PSMB7: variants seen among roughly 807,000 people sequenced by gnomAD.
The protein encoded by PSMB7 is proteasome subunit beta type-7.
Under a neutral mutation model 28.1 loss-of-function variants are expected in PSMB7, and 5 were observed. That is an observed-to-expected ratio of 0.18 (90% CI 0.09 to 0.37). PSMB7 has a LOEUF of 0.37. Among genes scored for constraint, PSMB7 ranks in the 10% least tolerant of loss-of-function variants. The pLI is 1.00. For synonymous variants in PSMB7, 122 were observed against 123.7 expected (o/e 0.99, Z 0.09); for missense variants, 275 against 346.2 (o/e 0.79, Z 1.63).
chr9:124,369,439 A>T lies in PSMB7; in HGVS notation c.571-12524T>A, dbSNP rs1830539832. Among the ~76,000 whole-genome samples the T allele has an allele frequency of 2.0e-5, 3 of 152,154 alleles. No homozygotes were observed. The South Asian group carries it at 6.2e-4, about 32-fold the overall frequency. ...TACACTGCAACATAAATCTCAAAGG[A>T]CATCTGAAAAGTCTACACAGCTCCT... On this transcript the variant is annotated intron_variant, in intron 6 of 7. Transcript: ENST00000259457.
chr9:124,390,550 G>A (rs1349649306), intron 5 of PSMB7, among the ~76,000 whole-genome samples: 1 of 152,102 alleles, frequency 6.6e-6, no homozygotes, highest in Non-Finnish European at 1.5e-5. Flanking sequence ...AATGGGAAGA[G>A]ATCCATGCTA....
At chr9:124,381,605 G>C (rs994421204) in intron 6 of PSMB7, among the ~76,000 whole-genome samples, 1 of 152,162 alleles carries the variant, frequency 6.6e-6, no homozygotes, top group Non-Finnish European at 1.5e-5. Context: ...TTTTGACACA[G>C]AAAGAAAGTC....
At chr9:124,403,337 C>G (rs530119480) in intron 5 of PSMB7, among the ~76,000 whole-genome samples, 1 of 151,772 alleles carries the variant, frequency 6.6e-6, no homozygotes, top group Non-Finnish European at 1.5e-5. Context: ...CCAACCTGGG[C>G]AACATGGCAA....
chr9:124,360,375 T>G (rs932809555), intron 6 of PSMB7, among the ~76,000 whole-genome samples: 1 of 152,232 alleles, frequency 6.6e-6, no homozygotes, highest in Non-Finnish European at 1.5e-5. Context: ...CAGAGTGACC[T>G]AGGGCCTGGG....
chr9:124,415,292 A>C, intron 1 of PSMB7, 72 bp downstream of exon 1: 1 of 1,474,784 alleles, frequency 6.8e-7, no homozygotes, highest in Admixed American at 1.7e-5. Flanking sequence ...CTCGTATCAC[A>C]CCTTGGCCCA....
chr9:124,354,219 T>A (rs1165023592), intron 7 of PSMB7, among the ~76,000 whole-genome samples: 1 of 152,166 alleles, frequency 6.6e-6, no homozygotes, highest in African/African-American at 2.4e-5. Context: ...CAGACCACTC[T>A]CAAGTCTCAA....
At chr9:124,364,396 TC>T in intron 6 of PSMB7, among the ~76,000 whole-genome samples, 1 of 151,990 alleles carries the variant, frequency 6.6e-6, no homozygotes, top group East Asian at 1.9e-4. Flanking sequence ...TACCTAAGCT[TC>T]CAGAGGGAAA....
At chr9:124,387,240 T>C (rs1830733785) in intron 5 of PSMB7, among the ~76,000 whole-genome samples, 1 of 152,122 alleles carries the variant, frequency 6.6e-6, no homozygotes, top group South Asian at 2.1e-4. Context: ...AGCAAGACTC[T>C]GTCTCAAACA....
At chr9:124,369,219 T>A (rs1216096322) in intron 6 of PSMB7, among the ~76,000 whole-genome samples, 1 of 152,212 alleles carries the variant, frequency 6.6e-6, no homozygotes, top group Admixed American at 6.5e-5. Flanking sequence ...CAACTTCCTA[T>A]CATTTCTTGG....
chr9:124,363,046 G>A (rs977646108), intron 6 of PSMB7, among the ~76,000 whole-genome samples: 8 of 152,192 alleles, frequency 5.3e-5, no homozygotes, highest in South Asian at 2.1e-4. Context: ...TCAGGGGTCC[G>A]CCCTACACCT....
At chr9:124,357,418 C>T (rs1830420340) in intron 6 of PSMB7, among the ~76,000 whole-genome samples, 1 of 152,178 alleles carries the variant, frequency 6.6e-6, no homozygotes, top group African/African-American at 2.4e-5. Context: ...GAATGTCCAA[C>T]AATAGCTGAA....
At chr9:124,405,169 A>C (rs750747971) in intron 5 of PSMB7, 148 bp downstream of exon 5, 1 of 581,836 alleles carries the variant, frequency 1.7e-6, no homozygotes, top group East Asian at 2.9e-5. Flanking sequence ...ACACGGCCTA[A>C]TCTATAGTAG....
At chr9:124,362,854 ATAAT>A (rs983444139) in intron 6 of PSMB7, among the ~76,000 whole-genome samples, 4 of 152,264 alleles carry the variant, frequency 2.6e-5, no homozygotes, top group African/African-American at 9.6e-5. Flanking sequence ...GCCAAGCCAA[ATAAT>A]TAATTTTTTA....
At chr9:124,404,178 C>T (rs11791153) in intron 5 of PSMB7, among the ~76,000 whole-genome samples, 6 of 151,924 alleles carry the variant, frequency 3.9e-5, no homozygotes, top group Non-Finnish European at 8.8e-5. Flanking sequence ...CATGAGCCAC[C>T]GTGCCTGGCC....
intron 7 of PSMB7, 37 bp from the exon 8 acceptor site, chr9:124,353,746 CTCCTCAAGG>C: frequency 6.8e-7 from 1 of 1,470,502 alleles, no homozygotes; most frequent in African/African-American, 1.4e-5. Flanking sequence ...AGTTAGGATT[CTCCTCAAGG>C]TGCCAGAGGG....
intron 6 of PSMB7, among the ~76,000 whole-genome samples, chr9:124,365,656 G>C (rs1286280893): frequency 6.6e-6 from 1 of 152,210 alleles, no homozygotes; most frequent in Admixed American, 6.5e-5. Flanking sequence ...CTCCAGGCTG[G>C]CTATAGTGGC....
chr9:124,412,559 T>C, intron 3 of PSMB7, 67 bp from the exon 4 acceptor site: 2 of 1,543,018 alleles, frequency 1.3e-6, no homozygotes, highest in Non-Finnish European at 1.8e-6. Flanking sequence ...AAGTAATGGG[T>C]TCTTGGATAA....
intron 5 of PSMB7, among the ~76,000 whole-genome samples, chr9:124,389,965 C>A (rs4838169): frequency 0.063 from 9,585 of 152,176 alleles, 912 homozygotes; most frequent in East Asian, 0.45. Flanking sequence ...AAAATAAAAG[C>A]CCTGAAACTC....
rs920501196 is a variant in PSMB7 at position 124,369,908 on chromosome 9, G to A, written c.571-12993C>T. Among the ~76,000 whole-genome samples, 67 of 152,236 alleles carry A rather than the reference G, an allele frequency of 4.4e-4. 1 individual carries two copies. Among genetic ancestry groups the A allele is most frequent in the Non-Finnish European group, 2.1e-4 (14 of 68,008 alleles). ...CCCTACTGCCCACTGTATGGGTACC[G>A]TTCTCGACTTTTCATGACATAGTCC... is the stretch of plus-strand genomic sequence containing the variant. On this transcript the variant is annotated intron_variant, in intron 6 of 7. Transcript: ENST00000259457.
Sources: allele counts gnomAD v4.1 joint callset (sites outside exome capture counted in the v4.1 genomes callset), GRCh38; gene constraint gnomAD v4.1.1; transcripts MANE v1.5; gene names NCBI Gene and HGNC (gene_info 2026-07-23, HGNC 2026-07-21).